The following TAF2 variants were observed in gnomAD, a reference collection of about 807,000 sequenced individuals.
TAF2 encodes the protein TATA-box binding protein associated factor 2, also known as transcription initiation factor TFIID subunit 2.
In TAF2, 61 loss-of-function variants were observed where a neutral mutation model predicts 138.5. The ratio of observed to expected loss-of-function variants is 0.44; its 90% CI spans 0.36 to 0.54. The LOEUF (loss-of-function observed/expected upper bound fraction) is 0.54, where lower values mean the gene tolerates loss of function less well. Ranked by LOEUF, TAF2 falls within the 20% of genes least tolerant of loss-of-function variation. The pLI is 0.00. For synonymous variants in TAF2, 475 were observed against 469.9 expected (o/e 1.01, Z -0.14); for missense variants, 1,090 against 1,427.9 (o/e 0.76, Z 3.81).
At chr8:119,739,787 C>T (rs975493390) in intron 25 of TAF2, among the ~76,000 whole-genome samples, 4 of 150,440 alleles carry the variant, frequency 2.7e-5, no homozygotes, top group South Asian at 2.1e-4. Context: ...AGAGATCACA[C>T]GCCTTACTAA....
intron 25 of TAF2, among the ~76,000 whole-genome samples, chr8:119,734,418 A>G (rs1385517658): frequency 2.6e-5 from 4 of 152,226 alleles, no homozygotes; most frequent in Non-Finnish European, 4.4e-5. Flanking sequence ...TTTCACCAAA[A>G]CAGACATCAC....
chr8:119,818,350 C>A lies in TAF2; in HGVS notation c.299+996G>T, dbSNP rs959489154. ...AGAACTGCTGCCTTAAGGCATTATA[C>A]CTCTAGACTAGTTAAAACATCATCT... is the stretch of plus-strand genomic sequence containing the variant. On this transcript the variant is annotated intron_variant, in intron 3 of 25. Transcript: ENST00000378164. 3.9e-5 allele frequency among the ~76,000 whole-genome samples: 6 copies of A among 152,286 alleles called. No individual in the cohort carries two copies. In the East Asian group the frequency reaches 9.6e-4, roughly 24 times the overall value.
chr8:119,738,330 A>G (rs1472646213), intron 25 of TAF2, among the ~76,000 whole-genome samples: 1 of 152,168 alleles, frequency 6.6e-6, no homozygotes, highest in Non-Finnish European at 1.5e-5. Flanking sequence ...ATAGAACTCT[A>G]TCAAGACAAT....
At chr8:119,743,410 T>G (rs528016053) in intron 24 of TAF2, among the ~76,000 whole-genome samples, 73 of 150,944 alleles carry the variant, frequency 4.8e-4, no homozygotes, top group Non-Finnish European at 9.8e-4. Flanking sequence ...TTACTTGTAG[T>G]GGAAAGGCAG....
chr8:119,808,128 G>A (rs900548050), intron 3 of TAF2, among the ~76,000 whole-genome samples: 5 of 151,748 alleles, frequency 3.3e-5, no homozygotes, highest in Non-Finnish European at 7.4e-5. Flanking sequence ...ACTATTCAAG[G>A]TAACAACTAC....
intron 3 of TAF2, among the ~76,000 whole-genome samples, chr8:119,818,792 TAGA>T (rs1825648702): frequency 2.0e-5 from 3 of 147,476 alleles, no homozygotes; most frequent in African/African-American, 7.5e-5. Flanking sequence ...AAGTATGAAA[TAGA>T]AGTAGAACAT....
intron 3 of TAF2, among the ~76,000 whole-genome samples, chr8:119,810,796 T>G (rs985931782): frequency 1.4e-4 from 21 of 152,202 alleles, no homozygotes; most frequent in African/African-American, 5.1e-4. Flanking sequence ...AAAATAACTA[T>G]TGTACAAAAA....
chr8:119,805,219 G>A (rs919386645), intron 4 of TAF2, among the ~76,000 whole-genome samples: 1 of 152,176 alleles, frequency 6.6e-6, no homozygotes, highest in Non-Finnish European at 1.5e-5. Flanking sequence ...GGAACCATGT[G>A]TTTTAGCTTT....
rs145054239 is a variant in TAF2 at position 119,808,756 on chromosome 8, T to C, written c.300-2355A>G. ...GTACATCTCCATCAGAGCTCTTGGG[T>C]AACCAGGTGTCTTGTCAATAAGCAG... On this transcript the variant is annotated intron_variant, in intron 3 of 25. Coordinates refer to ENST00000378164, the MANE Select transcript of TAF2 (RefSeq NM_003184.4). Among the ~76,000 whole-genome samples the C allele has an allele frequency of 3.6e-3, 554 of 152,342 alleles. 6 individuals are homozygous for C. The highest frequency in any genetic ancestry group is 0.013 in the African/African-American group (534 of 41,576).
intron 18 of TAF2, chr8:119,766,983 A>G (rs1821471761): frequency 6.6e-6 from 1 of 152,370 alleles, no homozygotes; most frequent in Non-Finnish European, 1.5e-5. Flanking sequence ...ATTTACACAC[A>G]TACACATATG....
intron 3 of TAF2, among the ~76,000 whole-genome samples, chr8:119,808,220 G>C (rs1166613418): frequency 6.6e-6 from 1 of 152,166 alleles, no homozygotes; most frequent in African/African-American, 2.4e-5. Context: ...TGTTGACAAT[G>C]AACACTGACA....
chr8:119,748,929 A>AC (rs34030881), intron 22 of TAF2, among the ~76,000 whole-genome samples: 40,053 of 151,206 alleles, frequency 0.26, 6,625 homozygotes, highest in Admixed American at 0.45. Context: ...AAAAAAAAAA[A>AC]ACAAAAAACA....
At chr8:119,828,887 T>C (rs1826262588) in intron 2 of TAF2, among the ~76,000 whole-genome samples, 1 of 152,180 alleles carries the variant, frequency 6.6e-6, no homozygotes. Flanking sequence ...ACAGTCTCTG[T>C]CTCAGCTACT....
At chr8:119,830,513 A>G (rs1826378252) in intron 2 of TAF2, among the ~76,000 whole-genome samples, 1 of 152,116 alleles carries the variant, frequency 6.6e-6, no homozygotes, top group Non-Finnish European at 1.5e-5. Context: ...ACATAATACA[A>G]CTCAAGTATC....
At chr8:119,778,404 T>A (rs1304475403) in intron 17 of TAF2, among the ~76,000 whole-genome samples, 1 of 152,220 alleles carries the variant, frequency 6.6e-6, no homozygotes, top group Non-Finnish European at 1.5e-5. Flanking sequence ...GGAGGAAATA[T>A]ATGTGATGTA....
At chr8:119,751,989 T>C (rs1181295216) in intron 22 of TAF2, among the ~76,000 whole-genome samples, 1 of 152,138 alleles carries the variant, frequency 6.6e-6, no homozygotes, top group East Asian at 1.9e-4. Context: ...AATGACCTTA[T>C]TCTCAGGAGT....
rs183028902 is a variant in TAF2, at chr8:119,803,518, C to T, written c.560+360G>A. Among the ~76,000 whole-genome samples the T allele has an allele frequency of 3.3e-5, 5 of 151,762 alleles. No homozygotes were observed. The East Asian group carries it at 9.7e-4, about 30-fold the overall frequency. On this transcript the variant is annotated intron_variant, in intron 5 of 25. Coordinates refer to ENST00000378164, the MANE Select transcript of TAF2 (RefSeq NM_003184.4). Reference sequence around the variant, plus strand: ...CCATTCTGGCCAACATGGTAAAACCCCATCTGTACTAAAAATATAAAAAAT... The same window carrying T: ...CCATTCTGGCCAACATGGTAAAACCTCATCTGTACTAAAAATATAAAAAAT...
Position 119,784,831 on chromosome 8 carries a change from C to A in TAF2, c.1859+370G>T, listed in dbSNP as rs552924741. Among the ~76,000 whole-genome samples the A allele has an allele frequency of 2.0e-3, 301 of 152,270 alleles. 1 individual carries two copies. Among genetic ancestry groups the A allele is most frequent in the African/African-American group, 5.9e-3 (247 of 41,554 alleles). On this transcript the variant is annotated intron_variant, in intron 15 of 25. Coordinates refer to ENST00000378164, the MANE Select transcript of TAF2 (RefSeq NM_003184.4). Reference sequence around the variant, plus strand: ...GAGAAATGCAAACTATCAGGCCTCACTAGTGTAGTACTGGATCAGAAACTG... The same window carrying A: ...GAGAAATGCAAACTATCAGGCCTCAATAGTGTAGTACTGGATCAGAAACTG...
intron 25 of TAF2, among the ~76,000 whole-genome samples, chr8:119,738,372 T>C (rs935291506): frequency 9.9e-5 from 15 of 152,264 alleles, no homozygotes; most frequent in African/African-American, 3.4e-4. Flanking sequence ...TACAAACATT[T>C]ACACAGATAA....
Sources: gnomAD v4.1 joint callset for allele counts (sites outside exome capture counted in the v4.1 genomes callset) on GRCh38, gnomAD v4.1.1 for gene constraint, MANE v1.5 for transcripts, NCBI Gene and HGNC (gene_info 2026-07-23, HGNC 2026-07-21) for gene names.